Variants in DRC3 observed in about 807,000 individuals in gnomAD.
The protein encoded by DRC3 is dynein regulatory complex subunit 3, also known as leucine rich repeat containing 48.
In DRC3, 45 loss-of-function variants were observed where a neutral mutation model predicts 57.6. The observed-to-expected ratio is 0.78, with a 90% CI of 0.62 to 1.00. The LOEUF (loss-of-function observed/expected upper bound fraction) is 1.00, where lower values mean the gene tolerates loss of function less well. Ranked by LOEUF, DRC3 falls within the 50% of genes least tolerant of loss-of-function variation. The probability of loss-of-function intolerance (pLI) is 0.00; values close to 1 mark genes in which losing one functional copy is unlikely to be tolerated. For synonymous variants in DRC3, 257 were observed against 272.3 expected, an observed-to-expected ratio of 0.94 and a Z score of 0.55; for missense variants, 655 against 675.2, an observed-to-expected ratio of 0.97 and a Z score of 0.33.
chr17:17,991,136 T>C (rs2043207110), intron 5 of DRC3, among the ~76,000 whole-genome samples: 2 of 152,104 alleles, frequency 1.3e-5, no homozygotes, highest in South Asian at 4.2e-4. Flanking sequence ...GCTAGGTGAC[T>C]AATAGTGTTT....
At chr17:17,978,587 T>C (rs1440039415) in intron 3 of DRC3, among the ~76,000 whole-genome samples, 1 of 152,170 alleles carries the variant, frequency 6.6e-6, no homozygotes, top group African/African-American at 2.4e-5. Context: ...CAAGGAGGTA[T>C]TGAGACCCTG....
At chr17:17,975,953 CAGTCTTAGAGGGA>C (rs1242152383) in intron 2 of DRC3, among the ~76,000 whole-genome samples, 1 of 152,030 alleles carries the variant, frequency 6.6e-6, no homozygotes, top group Non-Finnish European at 1.5e-5. Flanking sequence ...AAGAGGAGGG[CAGTCTTAGAGGGA>C]AGTCTCTAAG....
Position 17,995,049 on chromosome 17 carries a change from C to A in DRC3, c.762C>A (p.Tyr254Ter), listed in dbSNP as rs533440470. 6.2e-7 allele frequency: 1 copy of A among 1,613,844 alleles called. No individual in the cohort carries two copies. Among genetic ancestry groups the A allele is most frequent in the African/African-American group, 1.3e-5 (1 of 74,934 alleles). Reference protein sequence around the residue: ...LNGSFLFDSMYAEDSEGNNLS... With the variant: ...LNGSFLFDSM ...GCTCCTTCCTGTTTGACAGCATGTA[C>A]GCTGAGGACTCAGAGGGCAACAATC... Residue 254 changes from tyrosine to a stop codon, truncating the protein, a stop_gained, in exon 8 of 14, where the codon TAC (tyrosine) becomes TAA (stop). Coordinates refer to ENST00000399187, the MANE Select transcript of DRC3 (RefSeq NM_031294.4). LOFTEE classifies it high-confidence loss of function.
At chr17:17,984,143 C>G (rs2042845524) in intron 4 of DRC3, among the ~76,000 whole-genome samples, 199 bp downstream of exon 4, 1 of 152,192 alleles carries the variant, frequency 6.6e-6, no homozygotes, top group Admixed American at 6.5e-5. Context: ...GGGCAAAGTG[C>G]AGCAAAGATG....
chr17:17,983,037 A>G (rs1174614244), intron 3 of DRC3, among the ~76,000 whole-genome samples: 2 of 151,640 alleles, frequency 1.3e-5, no homozygotes, highest in African/African-American at 4.8e-5. Context: ...TTACTTATAC[A>G]TATGTGTTTT....
intron 2 of DRC3, among the ~76,000 whole-genome samples, chr17:17,975,756 A>T (rs1465708367): frequency 2.6e-5 from 4 of 152,264 alleles, no homozygotes; most frequent in South Asian, 4.1e-4. Context: ...GAAAAGGACC[A>T]AGGTCTTGGG....
intron 12 of DRC3, 77 bp from the exon 13 acceptor site, chr17:18,015,987 T>C (rs1244381932): frequency 6.5e-7 from 1 of 1,532,024 alleles, no homozygotes; most frequent in Admixed American, 1.7e-5. Flanking sequence ...TTCCAAATGC[T>C]CCTTCTCTGT....
intron 5 of DRC3, among the ~76,000 whole-genome samples, chr17:17,991,036 C>A (rs919462700): frequency 6.6e-6 from 1 of 152,112 alleles, no homozygotes; most frequent in African/African-American, 2.4e-5. Flanking sequence ...TTCCCCCACT[C>A]CTAAAATATG....
intron 2 of DRC3, 38 bp from the exon 3 acceptor site, chr17:17,977,544 A>G: frequency 6.2e-7 from 1 of 1,612,184 alleles, no homozygotes; most frequent in East Asian, 2.2e-5. Context: ...AAACAGAGAA[A>G]GAAGCAGGCC....
intron 11 of DRC3, 99 bp from the exon 12 acceptor site, chr17:18,006,925 C>G: frequency 6.5e-7 from 1 of 1,531,182 alleles, no homozygotes; most frequent in Non-Finnish European, 8.8e-7. Context: ...AATTTCCGAG[C>G]TCGCCTTGGG....
chr17:18,006,236 C>G lies in DRC3; in HGVS notation c.1185C>G (p.Ile395Met), dbSNP rs988406379. 3 of 1,610,926 alleles carry G rather than the reference C, an allele frequency of 1.9e-6. No individual in the cohort carries two copies. Among genetic ancestry groups the G allele is most frequent in the Non-Finnish European group, 2.5e-6 (3 of 1,177,900 alleles). The change falls in exon 11 of 14, where the codon ATC (isoleucine) becomes ATG (methionine). Residue 395 changes from isoleucine (I) to methionine (M), a missense_variant. By Grantham distance (10) the Ile-to-Met change is conservative. Transcript: ENST00000399187. ...TTGTTGACATGGTAGGACTGTTTAT[C>G]GAAAATGTCCAAAGCCTATATCCTT... ...RNIVDMVGLF[I>M]ENVQSLMAQC...
intron 9 of DRC3, among the ~76,000 whole-genome samples, chr17:17,998,739 TTTAA>T (rs1462871717): frequency 6.6e-6 from 1 of 152,202 alleles, no homozygotes; most frequent in Non-Finnish European, 1.5e-5. Flanking sequence ...TGTTGTGCGA[TTTAA>T]TTCTCAAGAC....
chr17:18,000,582 T>C (rs1417571702), intron 9 of DRC3, among the ~76,000 whole-genome samples: 1 of 152,202 alleles, frequency 6.6e-6, no homozygotes, highest in African/African-American at 2.4e-5. Context: ...ACTGAATAAG[T>C]TGGTGCAAGT....
At chr17:17,984,737 C>T (rs2042881077) in intron 4 of DRC3, among the ~76,000 whole-genome samples, 1 of 152,148 alleles carries the variant, frequency 6.6e-6, no homozygotes, top group East Asian at 1.9e-4. Flanking sequence ...TGGGACTCAC[C>T]CCCACGCCTG....
Position 18,008,374 on chromosome 17 carries a change from G to C in DRC3, c.1326+1227G>C, listed in dbSNP as rs776703702. On this transcript the variant is annotated intron_variant, in intron 12 of 13. Coordinates refer to ENST00000399187, the MANE Select transcript of DRC3 (RefSeq NM_031294.4). This position sits in a 1 kb window ranked among gnomAD's most constrained non-coding sequence, Gnocchi z 4.3. The stretch of plus-strand genomic sequence containing the variant: ...TAGTTTCAAACTACCTGGCTGATGT[G>C]TATTTGCTGCTGATGTGACTATTCA... Among the ~76,000 whole-genome samples the C allele has an allele frequency of 3.1e-4, 47 of 152,200 alleles. No individual in the cohort carries two copies. Among genetic ancestry groups the C allele is most frequent in the African/African-American group, 1.1e-3 (45 of 41,438 alleles).
rs2044072511 is a variant in DRC3 at position 18,008,857 on chromosome 17, A to T, written c.1326+1710A>T. On this transcript the variant is annotated intron_variant, in intron 12 of 13. Transcript: ENST00000399187. The surrounding 1 kb of genome is among the most constrained non-coding windows in gnomAD (Gnocchi z 4.3). ...AGCTCCCATGTCTGTGACACCCAGAAGGCACAGGACTGAAACGTGCCCAAT... is the reference window on the plus strand; with the variant it reads ...AGCTCCCATGTCTGTGACACCCAGATGGCACAGGACTGAAACGTGCCCAAT... 6.6e-6 allele frequency among the ~76,000 whole-genome samples: 1 copy of T among 152,216 alleles called. No homozygotes were observed. The highest frequency in any genetic ancestry group is 6.5e-5 in the Admixed American group (1 of 15,272).
intron 6 of DRC3, 78 bp from the exon 7 acceptor site, chr17:17,994,221 A>AT: frequency 6.5e-7 from 1 of 1,529,796 alleles, no homozygotes; most frequent in Non-Finnish European, 8.8e-7. Context: ...AGGCTGCAGC[A>AT]TGGCAGAGGC....
intron 2 of DRC3, among the ~76,000 whole-genome samples, chr17:17,974,449 G>A (rs1445246955): frequency 1.3e-5 from 2 of 152,108 alleles, no homozygotes; most frequent in East Asian, 1.9e-4. Context: ...TCGGCTCACC[G>A]CAACCTCCGC....
chr17:18,006,209 CATTGTT>C lies in DRC3; in HGVS notation c.1159_1164del (p.Ile387_Val388del), dbSNP rs1408579381. ...AGACTATAAACATGTTTGAAAGGAA[CATTGTT>C]GACATGGTAGGACTGTTTATCGAAA... On this transcript the variant is annotated inframe_deletion, in exon 11 of 14. Coordinates refer to ENST00000399187, the MANE Select transcript of DRC3 (RefSeq NM_031294.4). 1 of 1,612,162 alleles carries C rather than the reference CATTGTT, an allele frequency of 6.2e-7. No homozygotes were observed. Among genetic ancestry groups the C allele is most frequent in the Non-Finnish European group, 8.5e-7 (1 of 1,178,734 alleles).
Sources: allele counts gnomAD v4.1 joint callset (sites outside exome capture counted in the v4.1 genomes callset), GRCh38; gene constraint gnomAD v4.1.1; non-coding constraint Gnocchi (gnomAD v3.1); transcripts MANE v1.5; gene names NCBI Gene and HGNC (gene_info 2026-07-23, HGNC 2026-07-21).